Variants in KLF8 observed in about 807,000 individuals in gnomAD.
The protein encoded by KLF8 is Krueppel-like factor 8.
In KLF8, 10 loss-of-function variants were observed where a neutral mutation model predicts 18.2. The ratio of observed to expected loss-of-function variants is 0.55; its 90% CI spans 0.34 to 0.93. KLF8 has a LOEUF of 0.93. Among genes scored for constraint, KLF8 ranks in the 40% least tolerant of loss-of-function variants. The pLI is 0.02. For missense variants in KLF8, 264 were observed against 277.9 expected (o/e 0.95, Z 0.36); for synonymous variants, 109 against 97.3 (o/e 1.12, Z -0.71).
chrX:56,043,170 T>A, the KLF8 span, among the ~76,000 whole-genome samples: 1 of 111,535 alleles, frequency 9.0e-6, no homozygotes, highest in East Asian at 2.8e-4. Context: ...TTGTAGGGTT[T>A]CCACTGTGAG....
At chrX:56,151,899 T>C in the KLF8 span, among the ~76,000 whole-genome samples, 1 of 111,832 alleles carries the variant, frequency 8.9e-6, no homozygotes, top group Admixed American at 9.5e-5. Flanking sequence ...AATGGCCCAC[T>C]TTTTTAAAGC....
the KLF8 span, among the ~76,000 whole-genome samples, chrX:56,118,036 C>G: frequency 1.8e-5 from 2 of 111,444 alleles, no homozygotes; most frequent in Non-Finnish European, 3.8e-5. Flanking sequence ...AATTCCATTC[C>G]GTGAGGGCAG....
intron 5 of KLF8, among the ~76,000 whole-genome samples, chrX:56,276,109 T>G (rs1231039903): frequency 2.7e-5 from 3 of 111,142 alleles, no homozygotes; most frequent in Non-Finnish European, 5.7e-5. Flanking sequence ...CATCAGGTCC[T>G]GGGCTTTCCT....
chrX:56,239,911 A>G (rs1413542734), intron 1 of KLF8, among the ~76,000 whole-genome samples: 1 of 111,780 alleles, frequency 8.9e-6, no homozygotes, highest in Non-Finnish European at 1.9e-5. Flanking sequence ...GTACATCACA[A>G]ATAAAGTACA....
chrX:56,284,571 C>G lies in KLF8; in HGVS notation c.*77C>G. ...GCTGAGGTTGGGACAATTTTTTCCT[C>G]TTTGACTTCAGCTTGCATATGGGGT... On this transcript the variant is annotated 3_prime_UTR_variant, in exon 6 of 6. Coordinates refer to ENST00000468660, the MANE Select transcript of KLF8 (RefSeq NM_007250.5). 4.5e-6 allele frequency: 4 copies of G among 897,939 alleles called. No homozygotes were observed. Among genetic ancestry groups the G allele is most frequent in the Non-Finnish European group, 6.0e-6 (4 of 670,358 alleles). 74.0% of individuals were successfully genotyped at this position (897,939 alleles called of 1,213,427 possible).
At chrX:55,945,939 G>T in the KLF8 span, among the ~76,000 whole-genome samples, 1 of 110,925 alleles carries the variant, frequency 9.0e-6, no homozygotes, top group Non-Finnish European at 1.9e-5. Context: ...GGATGTGAAG[G>T]ACCTCTTCAA....
the KLF8 span, among the ~76,000 whole-genome samples, chrX:55,959,857 G>C: frequency 9.4e-6 from 1 of 106,890 alleles, no homozygotes; most frequent in Non-Finnish European, 1.9e-5. Flanking sequence ...CTTCATTGGA[G>C]AGATTGAAAT....
the KLF8 span, among the ~76,000 whole-genome samples, chrX:56,138,289 G>A: frequency 2.7e-5 from 3 of 111,375 alleles, no homozygotes; most frequent in South Asian, 1.1e-3. Context: ...AAATGGAGAA[G>A]GAAGGACTCC....
chrX:56,102,946 T>C, the KLF8 span, among the ~76,000 whole-genome samples: 3 of 86,751 alleles, frequency 3.5e-5, no homozygotes, highest in African/African-American at 1.3e-4. Flanking sequence ...GCTTTATGAG[T>C]TCTTATGGAG....
At chrX:56,183,941 C>T in the KLF8 span, among the ~76,000 whole-genome samples, 6 of 111,454 alleles carry the variant, frequency 5.4e-5, no homozygotes, top group Non-Finnish European at 7.5e-5. Context: ...CCACCATGAG[C>T]GATGCAGAAG....
the KLF8 span, among the ~76,000 whole-genome samples, chrX:56,096,099 A>G: frequency 9.0e-6 from 1 of 111,649 alleles, no homozygotes; most frequent in Non-Finnish European, 1.9e-5. Context: ...TATATCACGG[A>G]ATACTACACA....
chrX:55,923,705 CGTGTGTGTGTGTGTGTGTGTGTGT>C, the KLF8 span, among the ~76,000 whole-genome samples: 1 of 98,290 alleles, frequency 1.0e-5, no homozygotes, highest in Non-Finnish European at 2.0e-5. Context: ...TAAAGATCCA[CGTGTGTGTGTGTGTGTGTGTGTGT>C]GTGTGTGTGT....
intron 2 of KLF8, among the ~76,000 whole-genome samples, chrX:56,256,439 AT>A (rs1040716558): frequency 5.2e-4 from 56 of 107,015 alleles, no homozygotes; most frequent in Admixed American, 1.2e-3. Flanking sequence ...TTGTTTTTCT[AT>A]TTTTTTTTCC....
chrX:55,971,190 A>G, the KLF8 span, among the ~76,000 whole-genome samples: 2 of 111,478 alleles, frequency 1.8e-5, no homozygotes, highest in Non-Finnish European at 1.9e-5. Context: ...AAGCAAAACA[A>G]CATGGTACTG....
the KLF8 span, among the ~76,000 whole-genome samples, chrX:55,953,073 G>T: frequency 1.5e-4 from 17 of 111,321 alleles, no homozygotes; most frequent in African/African-American, 5.6e-4. Flanking sequence ...GACTTTAAGG[G>T]CTTAGGTATT....
At chrX:56,181,751 G>A in the KLF8 span, among the ~76,000 whole-genome samples, 3 of 110,047 alleles carry the variant, frequency 2.7e-5, no homozygotes, top group Non-Finnish European at 5.7e-5. Context: ...TGAAATTCTG[G>A]GTTGAAAATT....
chrX:56,186,909 C>T, the KLF8 span, among the ~76,000 whole-genome samples: 1 of 111,763 alleles, frequency 8.9e-6, no homozygotes, highest in Non-Finnish European at 1.9e-5. Context: ...ACTAAATGCC[C>T]ACAAGAGAAA....
At chrX:55,990,695 T>C in the KLF8 span, among the ~76,000 whole-genome samples, 1 of 112,399 alleles carries the variant, frequency 8.9e-6, no homozygotes, top group South Asian at 3.7e-4. Context: ...ATGTCCTTTC[T>C]GTTTGTTAGT....
At chrX:56,072,205 T>C in the KLF8 span, among the ~76,000 whole-genome samples, 2 of 111,916 alleles carry the variant, frequency 1.8e-5, no homozygotes, top group African/African-American at 6.5e-5. Context: ...ACCAGAGAAA[T>C]GTACCTCCTT....
Sources: gnomAD v4.1 joint callset for allele counts (sites outside exome capture counted in the v4.1 genomes callset) on GRCh38, gnomAD v4.1.1 for gene constraint, MANE v1.5 for transcripts, NCBI Gene and HGNC (gene_info 2026-07-23, HGNC 2026-07-21) for gene names.